The following SMYD3 variants were observed in gnomAD, a reference collection of about 807,000 sequenced individuals.
SMYD3 encodes the protein SET and MYND domain containing 3.
A neutral mutation model predicts 57.7 loss-of-function variants in SMYD3; 36 were observed. The ratio of observed to expected loss-of-function variants is 0.62; its 90% CI spans 0.48 to 0.82. The LOEUF is 0.82. SMYD3 is among the 40% of genes least tolerant of loss of function. The pLI, the probability that SMYD3 is intolerant of heterozygous loss-of-function variation, is 0.00. For missense variants in SMYD3, 515 were observed against 538.8 expected (o/e 0.96, Z 0.44); for synonymous variants, 211 against 195.0 (o/e 1.08, Z -0.68).
intron 1 of SMYD3, among the ~76,000 whole-genome samples, chr1:246,463,378 CA>C (rs973071226): frequency 9.2e-5 from 14 of 152,100 alleles, no homozygotes; most frequent in African/African-American, 3.4e-4. Flanking sequence ...GTCACAAGGA[CA>C]AAACAGTGGG....
intron 1 of SMYD3, among the ~76,000 whole-genome samples, chr1:246,369,266 T>C (rs1041538935): frequency 6.6e-6 from 1 of 151,916 alleles, no homozygotes; most frequent in African/African-American, 2.4e-5. Flanking sequence ...ATCTGAAATA[T>C]CTTAGTACTA....
intron 5 of SMYD3, among the ~76,000 whole-genome samples, chr1:246,244,830 A>G (rs2063674369): frequency 6.6e-6 from 1 of 152,192 alleles, no homozygotes; most frequent in Admixed American, 6.5e-5. Context: ...AGTTTTCTGT[A>G]TATAAAAATT....
At chr1:245,779,176 A>AAAG (rs1553319531) in intron 10 of SMYD3, among the ~76,000 whole-genome samples, 88 of 143,744 alleles carry the variant, frequency 6.1e-4, no homozygotes, top group African/African-American at 2.1e-3. Context: ...AAAAAAAAAA[A>AAAG]AAAAAGAAAA....
In SMYD3 at chr1:245,984,422, C is replaced by T. The variant is rs763382448; in HGVS notation, c.532-54485G>A. ...TGCAGCACAAATCTATTTGTGCCTG[C>T]GCCCGCAGAAGCACCTCCCCTCCTG... On this transcript the variant is annotated intron_variant, in intron 5 of 11. Transcript: ENST00000490107. 5.3e-5 allele frequency among the ~76,000 whole-genome samples: 8 copies of T among 152,342 alleles called. 1 individual carries two copies. The highest frequency in any genetic ancestry group is 6.8e-3 in the Middle Eastern group (2 of 294).
intron 10 of SMYD3, among the ~76,000 whole-genome samples, chr1:245,786,032 C>T (rs2047023667): frequency 6.6e-6 from 1 of 150,638 alleles, no homozygotes; most frequent in African/African-American, 2.4e-5. Flanking sequence ...TTTTAGGATG[C>T]AGCTATACCA....
intron 5 of SMYD3, among the ~76,000 whole-genome samples, chr1:246,014,651 A>G (rs1184987051): frequency 6.6e-6 from 1 of 152,174 alleles, no homozygotes; most frequent in East Asian, 1.9e-4. Context: ...GATAAGAGCT[A>G]CTTTTAGACT....
chr1:246,440,726 G>T (rs2067450073), intron 1 of SMYD3, among the ~76,000 whole-genome samples: 1 of 152,100 alleles, frequency 6.6e-6, no homozygotes, highest in Non-Finnish European at 1.5e-5. Flanking sequence ...GAGTAGCAAA[G>T]GGTAATTAAA....
At chr1:245,881,840 G>A (rs946348948) in intron 8 of SMYD3, among the ~76,000 whole-genome samples, 1 of 152,184 alleles carries the variant, frequency 6.6e-6, no homozygotes, top group African/African-American at 2.4e-5. Context: ...AGCTAGGCAA[G>A]CACAAAGCTA....
chr1:246,092,151 A>G (rs1386685655), intron 5 of SMYD3, among the ~76,000 whole-genome samples: 1 of 152,194 alleles, frequency 6.6e-6, no homozygotes, highest in Non-Finnish European at 1.5e-5. Context: ...TTTTGATAAA[A>G]TCTGATTAAT....
chr1:246,076,278 G>GA (rs1222981477), intron 5 of SMYD3, among the ~76,000 whole-genome samples: 4 of 152,086 alleles, frequency 2.6e-5, no homozygotes, highest in Non-Finnish European at 5.9e-5. Flanking sequence ...TCTCACCCAG[G>GA]AAAGAGAAAT....
chr1:245,903,158 A>C (rs2148619671), intron 8 of SMYD3, among the ~76,000 whole-genome samples: 1 of 152,336 alleles, frequency 6.6e-6, no homozygotes, highest in Non-Finnish European at 1.5e-5. Flanking sequence ...AACCAAAGAG[A>C]AATCCTAAGA....
chr1:246,481,337 G>C (rs2103059416), intron 1 of SMYD3, among the ~76,000 whole-genome samples: 1 of 151,696 alleles, frequency 6.6e-6, no homozygotes, highest in South Asian at 2.1e-4. Context: ...ATTTGAATTG[G>C]TGAACTGAGG....
At chr1:246,071,742 G>T (rs2060448374) in intron 5 of SMYD3, among the ~76,000 whole-genome samples, 1 of 152,164 alleles carries the variant, frequency 6.6e-6, no homozygotes, top group African/African-American at 2.4e-5. Context: ...TCTGGGGAGG[G>T]ATTCGAGTGC....
intron 5 of SMYD3, among the ~76,000 whole-genome samples, chr1:246,235,865 G>T (rs1330966770): frequency 2.2e-4 from 34 of 152,242 alleles, no homozygotes; most frequent in Admixed American, 2.2e-3. Flanking sequence ...TTGAAATATG[G>T]CTAGTGCAAC....
At position 245,749,450 on chromosome 1, in the gene SMYD3, G is replaced by A. The variant is rs1230718121; in HGVS notation, c.*113C>T. 9.2e-6 allele frequency: 7 copies of A among 758,774 alleles called. No homozygotes were observed. Among genetic ancestry groups the A allele is most frequent in the African/African-American group, 1.7e-5 (1 of 57,846 alleles). 47.0% of individuals were successfully genotyped at this position (758,774 alleles called of 1,614,324 possible). A position where few individuals can be genotyped will look rare whatever the true frequency, so the allele number is the denominator to read the frequency against. ...TGCCTTTATTTACCTACACAAACAC[G>A]GAACAGAATTTCCAATAGGAGAGGT... On this transcript the variant is annotated 3_prime_UTR_variant, in exon 12 of 12. Coordinates refer to ENST00000490107, the MANE Select transcript of SMYD3 (RefSeq NM_001167740.2).
rs545743689 is a variant in SMYD3, at chr1:246,327,065, TATG to T, written c.531+133_531+135del. On this transcript the variant is annotated intron_variant, in intron 5 of 11. Transcript: ENST00000490107. ...ATACATTCTCTCATGCTCTACTCAC[TATG>T]ATAAGGAAGTAATATAAGGCATTAA... 686 of 1,003,268 alleles carry T rather than the reference TATG, an allele frequency of 6.8e-4. 3 individuals carry two copies. The African/African-American group carries it at 9.2e-3, about 13-fold the overall frequency. 62.1% of individuals were successfully genotyped at this position (1,003,268 alleles called of 1,614,324 possible). A position where few individuals can be genotyped will look rare whatever the true frequency, so the allele number is the denominator to read the frequency against.
chr1:245,934,736 G>A (rs1572731775), intron 5 of SMYD3, among the ~76,000 whole-genome samples: 1 of 152,004 alleles, frequency 6.6e-6, no homozygotes, highest in Non-Finnish European at 1.5e-5. Flanking sequence ...GAGTACAGGT[G>A]ATTTCGGCAT....
intron 10 of SMYD3, among the ~76,000 whole-genome samples, chr1:245,810,970 T>C (rs948382084): frequency 3.3e-5 from 5 of 152,246 alleles, no homozygotes; most frequent in Non-Finnish European, 7.3e-5. Context: ...AAATCCCTAG[T>C]GCTCATTACA....
At chr1:246,073,630 T>C (rs2060495530) in intron 5 of SMYD3, among the ~76,000 whole-genome samples, 1 of 152,118 alleles carries the variant, frequency 6.6e-6, no homozygotes, top group South Asian at 2.1e-4. Context: ...GGTGGAAAGA[T>C]TGCTGGAGAC....
Sources: allele counts gnomAD v4.1 joint callset (sites outside exome capture counted in the v4.1 genomes callset), GRCh38; gene constraint gnomAD v4.1.1; transcripts MANE v1.5; gene names NCBI Gene and HGNC (gene_info 2026-07-23, HGNC 2026-07-21).